PDE3A: variants seen among roughly 807,000 people sequenced by gnomAD.
PDE3A encodes phosphodiesterase 3A, also known as cGMP-inhibited 3',5'-cyclic phosphodiesterase 3A.
Under a neutral mutation model 98.3 loss-of-function variants are expected in PDE3A, and 43 were observed. The observed-to-expected ratio is 0.44, with a 90% CI of 0.34 to 0.56. PDE3A has a LOEUF of 0.56. Among genes scored for constraint, PDE3A ranks in the 20% least tolerant of loss-of-function variants. The pLI is 0.01. For missense variants in PDE3A, 1,427 were observed against 1,440.7 expected (o/e 0.99, Z 0.15); for synonymous variants, 663 against 567.9 (o/e 1.17, Z -2.38).
chr12:20,595,418 C>T (rs2121390611), intron 2 of PDE3A, among the ~76,000 whole-genome samples: 1 of 152,274 alleles, frequency 6.6e-6, no homozygotes, highest in Admixed American at 6.5e-5. Flanking sequence ...GAGAGTCAAT[C>T]ATGATAGCCA....
chr12:20,481,005 G>T (rs1453677045), intron 1 of PDE3A, among the ~76,000 whole-genome samples: 1 of 152,146 alleles, frequency 6.6e-6, no homozygotes, highest in Non-Finnish European at 1.5e-5. Flanking sequence ...TGGTTACCTG[G>T]CCAGTTTATG....
intron 1 of PDE3A, among the ~76,000 whole-genome samples, chr12:20,413,629 G>C (rs1390254044): frequency 1.3e-5 from 2 of 152,226 alleles, no homozygotes; most frequent in Non-Finnish European, 1.5e-5. Context: ...TGAGCAACAA[G>C]TGTGAGATGA....
At chr12:20,488,578 A>G (rs1022769921) in intron 1 of PDE3A, among the ~76,000 whole-genome samples, 1 of 152,128 alleles carries the variant, frequency 6.6e-6, no homozygotes, top group Non-Finnish European at 1.5e-5. Context: ...CCAGTATGTA[A>G]TCCCAGCACT....
In PDE3A at chr12:20,515,897, T is replaced by A. The variant is rs1946313372; in HGVS notation, c.961-40763T>A. On this transcript the variant is annotated intron_variant, in intron 1 of 15. Coordinates refer to ENST00000359062, the MANE Select transcript of PDE3A (RefSeq NM_000921.5). Reference sequence around the variant, plus strand: ...ACAGGCGCCTGCCACTACGCCCGGCTAATTTTTTGTATTTTTAGTAGAGAC... The same window carrying A: ...ACAGGCGCCTGCCACTACGCCCGGCAAATTTTTTGTATTTTTAGTAGAGAC... Among the ~76,000 whole-genome samples the A allele has an allele frequency of 2.0e-5, 3 of 149,918 alleles. No homozygotes were observed. The South Asian group carries it at 6.3e-4, about 32-fold the overall frequency.
rs1945901124 is a variant in PDE3A, at chr12:20,495,331, C to T, written c.961-61329C>T. Among the ~76,000 whole-genome samples the T allele has an allele frequency of 3.3e-5, 5 of 151,900 alleles. No individual in the cohort carries two copies. In the South Asian group the frequency reaches 1.0e-3, roughly 32 times the overall value. ...AAATACTTAAAATGCTTTCATTGTA[C>T]CAGATTTTGGATTTCTTTAATTTGT... On this transcript the variant is annotated intron_variant, in intron 1 of 15. Transcript: ENST00000359062.
intron 1 of PDE3A, among the ~76,000 whole-genome samples, chr12:20,546,386 AG>A (rs1942059441): frequency 6.6e-6 from 1 of 151,666 alleles, no homozygotes; most frequent in Admixed American, 6.6e-5. Context: ...AAAAAAAAAA[AG>A]AACAATTTCC....
At chr12:20,406,340 A>T (rs1944232813) in intron 1 of PDE3A, among the ~76,000 whole-genome samples, 1 of 152,210 alleles carries the variant, frequency 6.6e-6, no homozygotes, top group African/African-American at 2.4e-5. Context: ...ACTAAATTAC[A>T]TTCCCACTAA....
rs754148105 is a variant in PDE3A, at chr12:20,546,106, G to A, written c.961-10554G>A. Among the ~76,000 whole-genome samples, 20 of 151,862 alleles carry A rather than the reference G, an allele frequency of 1.3e-4. No homozygotes were observed. In the South Asian group the frequency reaches 1.9e-3, roughly 14 times the overall value. Reference sequence around the variant, plus strand: ...AGTTTGTAAATTATGATATGCAGGCGGTTCCTGCCAGCAGAGATTTAAAAA... The same window carrying A: ...AGTTTGTAAATTATGATATGCAGGCAGTTCCTGCCAGCAGAGATTTAAAAA... On this transcript the variant is annotated intron_variant, in intron 1 of 15. Transcript: ENST00000359062.
intron 1 of PDE3A, among the ~76,000 whole-genome samples, chr12:20,472,734 G>A (rs1234736455): frequency 1.3e-5 from 2 of 152,146 alleles, no homozygotes; most frequent in African/African-American, 4.8e-5. Context: ...GTGTTGGAAT[G>A]TGTAACTTTT....
intron 1 of PDE3A, among the ~76,000 whole-genome samples, chr12:20,501,362 AT>A (rs200189764): frequency 6.6e-6 from 1 of 152,006 alleles, no homozygotes; most frequent in African/African-American, 2.4e-5. Flanking sequence ...GTCAAGTCAG[AT>A]TTTTTTTATT....
At chr12:20,633,940 T>C (rs998979640) in intron 7 of PDE3A, among the ~76,000 whole-genome samples, 162 bp downstream of exon 7, 4 of 152,140 alleles carry the variant, frequency 2.6e-5, no homozygotes, top group African/African-American at 9.7e-5. Flanking sequence ...CCTCAAGTGA[T>C]CCTCCCGCCT....
At chr12:20,397,959 A>T (rs1944047839) in intron 1 of PDE3A, among the ~76,000 whole-genome samples, 1 of 152,144 alleles carries the variant, frequency 6.6e-6, no homozygotes, top group South Asian at 2.1e-4. Context: ...TGATTTATTG[A>T]ATACTTAATT....
At chr12:20,517,088 G>T (rs961082483) in intron 1 of PDE3A, among the ~76,000 whole-genome samples, 1 of 152,198 alleles carries the variant, frequency 6.6e-6, no homozygotes, top group African/African-American at 2.4e-5. Context: ...TGACTCTGTC[G>T]ACAGCAGAAA....
intron 1 of PDE3A, among the ~76,000 whole-genome samples, chr12:20,427,040 C>A (rs1296616586): frequency 6.6e-6 from 1 of 152,158 alleles, no homozygotes; most frequent in Non-Finnish European, 1.5e-5. Flanking sequence ...GTTTTGAAAT[C>A]TTAAGAATGG....
At chr12:20,436,418 C>T (rs763722471) in intron 1 of PDE3A, among the ~76,000 whole-genome samples, 2 of 152,304 alleles carry the variant, frequency 1.3e-5, no homozygotes, top group Non-Finnish European at 2.9e-5. Context: ...CATTATCAGT[C>T]CCCTGAGCCC....
At chr12:20,526,238 T>C (rs573453040) in intron 1 of PDE3A, among the ~76,000 whole-genome samples, 1 of 152,324 alleles carries the variant, frequency 6.6e-6, no homozygotes, top group African/African-American at 2.4e-5. Flanking sequence ...ATTATTTTTC[T>C]CTCTATTGAT....
intron 1 of PDE3A, among the ~76,000 whole-genome samples, chr12:20,399,136 A>T (rs543023859): frequency 1.3e-5 from 2 of 152,312 alleles, no homozygotes; most frequent in East Asian, 3.9e-4. Context: ...TCCATGTCGT[A>T]GCACATGTCA....
chr12:20,577,729 C>T (rs1288735076), intron 2 of PDE3A, among the ~76,000 whole-genome samples: 2 of 152,142 alleles, frequency 1.3e-5, no homozygotes, highest in Admixed American at 6.5e-5. Flanking sequence ...ACTATCTCTT[C>T]TTCTTTTATT....
chr12:20,556,878 C>T lies in PDE3A; in HGVS notation c.1011+168C>T, dbSNP rs545263678. ...TAATTAAAGTCTGGATTTCAAATCC[C>T]AAAGGCAGATGCCAGGATATTCCTT... On this transcript the variant is annotated intron_variant, in intron 2 of 15. Transcript: ENST00000359062. 1.5e-4 allele frequency: 97 copies of T among 662,682 alleles called. No individual in the cohort carries two copies. The African/African-American group carries it at 1.7e-3, about 11-fold the overall frequency. The allele number at this position is 662,682 out of a possible 1,614,324, so 41.1% of individuals were successfully genotyped here.
Sources: allele counts gnomAD v4.1 joint callset (sites outside exome capture counted in the v4.1 genomes callset), GRCh38; gene constraint gnomAD v4.1.1; transcripts MANE v1.5; gene names NCBI Gene and HGNC (gene_info 2026-07-23, HGNC 2026-07-21).